SRGAP3: variants seen among roughly 807,000 people sequenced by gnomAD.
The protein encoded by SRGAP3 is SLIT-ROBO Rho GTPase activating protein 3.
SRGAP3 carries 39 observed loss-of-function variants against 121.1 expected under a neutral mutation model. The observed-to-expected ratio is 0.32, with a 90% CI of 0.25 to 0.42. The LOEUF is 0.42. SRGAP3 is among the 10% of genes least tolerant of loss of function. SRGAP3 has a pLI of 1.00. For synonymous variants in SRGAP3, 601 were observed against 570.0 expected (o/e 1.05, Z -0.77); for missense variants, 1,213 against 1,470.6 (o/e 0.82, Z 2.86).
intron 1 of SRGAP3, chr3:9,349,322 C>G (rs1328025402): frequency 2.5e-6 from 1 of 407,234 alleles, no homozygotes; most frequent in African/African-American, 2.1e-5. Flanking sequence ...AGATGGGCAC[C>G]AGTGGCTCCC....
chr3:9,067,995 C>A (rs377581866), intron 4 of SRGAP3, among the ~76,000 whole-genome samples: 2 of 152,132 alleles, frequency 1.3e-5, no homozygotes, highest in African/African-American at 4.8e-5. Flanking sequence ...ACGCCTGCTG[C>A]GGCTGTCTCC....
chr3:9,117,238 T>C (rs1948838445), intron 2 of SRGAP3, among the ~76,000 whole-genome samples: 1 of 152,256 alleles, frequency 6.6e-6, no homozygotes, highest in African/African-American at 2.4e-5. Flanking sequence ...TATGCTCAAT[T>C]TATATGCTAC....
At chr3:9,148,714 A>G (rs1560270026) in intron 1 of SRGAP3, among the ~76,000 whole-genome samples, 4 of 152,158 alleles carry the variant, frequency 2.6e-5, no homozygotes, top group African/African-American at 9.7e-5. Flanking sequence ...CAGGTTCCTC[A>G]TCTCATAGTC....
At chr3:9,108,313 C>A (rs774056263) in intron 2 of SRGAP3, among the ~76,000 whole-genome samples, 4 of 152,072 alleles carry the variant, frequency 2.6e-5, no homozygotes, top group Non-Finnish European at 5.9e-5. Context: ...TAATGTGCAG[C>A]CAGGGTTAAG....
chr3:9,234,934 A>G (rs536668471), intron 1 of SRGAP3, among the ~76,000 whole-genome samples: 1 of 152,342 alleles, frequency 6.6e-6, no homozygotes, highest in East Asian at 1.9e-4. Flanking sequence ...GCCTAGGACC[A>G]ACAGGGAAAT....
intron 9 of SRGAP3, chr3:9,049,575 G>A (rs1246218008): frequency 2.2e-6 from 1 of 444,978 alleles, no homozygotes; most frequent in South Asian, 1.6e-5. Flanking sequence ...TGTAAACTGA[G>A]AGTAGACTCA....
chr3:9,199,244 C>T (rs370259656), intron 1 of SRGAP3, among the ~76,000 whole-genome samples: 2 of 152,266 alleles, frequency 1.3e-5, no homozygotes, highest in African/African-American at 4.8e-5. Context: ...GACTCACTCA[C>T]ACGCGCTACC....
In SRGAP3 at chr3:9,101,081, C is replaced by G. The variant is rs576992326; in HGVS notation, c.423+3599G>C. Among the ~76,000 whole-genome samples the G allele has an allele frequency of 5.3e-5, 8 of 152,316 alleles. No individual in the cohort carries two copies. The South Asian group carries it at 1.7e-3, about 32-fold the overall frequency. ...TCAGGACCTGTGAGTGAAAACACTA[C>G]AAGATTCCATTTCGGCATTCGGGAG... On this transcript the variant is annotated intron_variant, in intron 3 of 21. Transcript: ENST00000383836.
Position 9,039,382 on chromosome 3 carries a change from C to T in SRGAP3, c.1409-1292G>A, listed in dbSNP as rs148957287. On this transcript the variant is annotated intron_variant, in intron 10 of 21. Coordinates refer to ENST00000383836, the MANE Select transcript of SRGAP3 (RefSeq NM_014850.4). ...TTTCTACACATCCTCTCTAAGTGAC[C>T]GCAAGTGCTTACCAAGGACTCCCTA... Among the ~76,000 whole-genome samples, 673 of 152,262 alleles carry T rather than the reference C, an allele frequency of 4.4e-3. 9 individuals are homozygous for T. The highest frequency in any genetic ancestry group is 0.016 in the African/African-American group (647 of 41,552).
chr3:9,102,377 C>T (rs1437772072), intron 3 of SRGAP3, among the ~76,000 whole-genome samples: 3 of 152,150 alleles, frequency 2.0e-5, no homozygotes, highest in South Asian at 2.1e-4. Context: ...CCAGCCACTC[C>T]GCCTCCTGCT....
At chr3:9,134,322 C>T (rs957109179) in intron 1 of SRGAP3, among the ~76,000 whole-genome samples, 1 of 152,158 alleles carries the variant, frequency 6.6e-6, no homozygotes, top group African/African-American at 2.4e-5. Flanking sequence ...AGTCTGCATA[C>T]ATCCTGAAAA....
intron 21 of SRGAP3, among the ~76,000 whole-genome samples, chr3:8,986,713 T>G (rs902605946): frequency 6.6e-6 from 1 of 150,704 alleles, no homozygotes; most frequent in Non-Finnish European, 1.5e-5. Context: ...TACTCTCTTC[T>G]CTGTATTATA....
chr3:9,195,617 T>C (rs1036755482), intron 1 of SRGAP3, among the ~76,000 whole-genome samples: 10 of 152,044 alleles, frequency 6.6e-5, no homozygotes, highest in Admixed American at 5.2e-4. Flanking sequence ...GGCACACCAA[T>C]AAACAGCATG....
At position 9,158,287 on chromosome 3, in the gene SRGAP3, T is replaced by C. The variant is rs142724049; in HGVS notation, c.68-33370A>G. ...GGGGTGGGGAGGGATTCTAGTCAGA[T>C]TGGAGGTCTTATTAGCCAGGTTCTC... On this transcript the variant is annotated intron_variant, in intron 1 of 21. Coordinates refer to ENST00000383836, the MANE Select transcript of SRGAP3 (RefSeq NM_014850.4). 3.6e-3 allele frequency among the ~76,000 whole-genome samples: 542 copies of C among 152,258 alleles called. 3 individuals are homozygous for C. Among genetic ancestry groups the C allele is most frequent in the African/African-American group, 0.012 (519 of 41,544 alleles).
At chr3:9,070,638 G>A (rs1946661331) in intron 4 of SRGAP3, among the ~76,000 whole-genome samples, 1 of 152,168 alleles carries the variant, frequency 6.6e-6, no homozygotes, top group South Asian at 2.1e-4. Context: ...TAAATGCAGG[G>A]ATGGGTAGAT....
intron 3 of SRGAP3, among the ~76,000 whole-genome samples, chr3:9,082,832 C>A (rs553420267): frequency 8.5e-5 from 13 of 152,304 alleles, no homozygotes; most frequent in African/African-American, 3.1e-4. Context: ...CTTCTCCTCA[C>A]CCCCCACAGC....
intron 10 of SRGAP3, among the ~76,000 whole-genome samples, chr3:9,042,453 G>C (rs1297198705): frequency 2.1e-5 from 3 of 144,548 alleles, no homozygotes; most frequent in Non-Finnish European, 3.0e-5. Flanking sequence ...AAAAAAAAAA[G>C]GCAGAATAGG....
At chr3:9,230,663 G>A (rs1251066540) in intron 1 of SRGAP3, among the ~76,000 whole-genome samples, 3 of 152,194 alleles carry the variant, frequency 2.0e-5, no homozygotes, top group Non-Finnish European at 4.4e-5. Flanking sequence ...TTGTGCCTAG[G>A]AGTTTAAGAT....
chr3:9,180,699 C>T (rs1951361141), intron 1 of SRGAP3, among the ~76,000 whole-genome samples: 1 of 152,238 alleles, frequency 6.6e-6, no homozygotes, highest in African/African-American at 2.4e-5. Context: ...ATCTGCTCCG[C>T]GAATCTGTCT....
Sources: gnomAD v4.1 joint callset for allele counts (sites outside exome capture counted in the v4.1 genomes callset) on GRCh38, gnomAD v4.1.1 for gene constraint, MANE v1.5 for transcripts, NCBI Gene and HGNC (gene_info 2026-07-23, HGNC 2026-07-21) for gene names.